Variants in YY1 observed in about 807,000 individuals in gnomAD.
YY1 encodes the protein transcriptional repressor protein YY1.
Under a neutral mutation model 35.6 loss-of-function variants are expected in YY1, and 2 were observed. The observed-to-expected ratio is 0.06, with a 90% CI of 0.02 to 0.18. The LOEUF is 0.18. Among genes scored for constraint, YY1 ranks in the 10% least tolerant of loss-of-function variants. The probability of loss-of-function intolerance (pLI) is 1.00; values close to 1 mark genes in which losing one functional copy is unlikely to be tolerated. For missense variants in YY1, 322 were observed against 573.4 expected (o/e 0.56, Z 4.48); for synonymous variants, 268 against 238.9 (o/e 1.12, Z -1.12).
At chr14:100,264,758 A>G (rs561842040) in intron 2 of YY1, among the ~76,000 whole-genome samples, 26 of 152,294 alleles carry the variant, frequency 1.7e-4, no homozygotes, top group African/African-American at 5.8e-4. Context: ...AACAAGAGTT[A>G]ATGAAGGCCT....
chr14:100,265,647 C>CTTTTTTT (rs10594089), intron 2 of YY1, among the ~76,000 whole-genome samples: 2 of 104,452 alleles, frequency 1.9e-5, no homozygotes, highest in Admixed American at 1.1e-4. Context: ...AACACTGAAG[C>CTTTTTTT]TTTTTTTTTT....
chr14:100,255,551 A>G (rs1890992975), intron 1 of YY1, among the ~76,000 whole-genome samples: 1 of 152,192 alleles, frequency 6.6e-6, no homozygotes, highest in South Asian at 2.1e-4. Flanking sequence ...CCAGGGAGGC[A>G]GAGGTTGCGG....
chr14:100,254,795 C>T (rs1371736082), intron 1 of YY1, among the ~76,000 whole-genome samples: 7 of 142,898 alleles, frequency 4.9e-5, no homozygotes, highest in African/African-American at 1.6e-4. Flanking sequence ...TTTTTTGAGT[C>T]GAAGTCTCAC....
intron 2 of YY1, among the ~76,000 whole-genome samples, chr14:100,274,474 G>T (rs573683421): frequency 6.6e-6 from 1 of 152,174 alleles, no homozygotes. Context: ...GCGGCAACTC[G>T]ATGTTTCTAG....
At chr14:100,261,878 G>A (rs1049847317) in intron 1 of YY1, among the ~76,000 whole-genome samples, 1 of 152,232 alleles carries the variant, frequency 6.6e-6, no homozygotes, top group African/African-American at 2.4e-5. Context: ...GCTGGGTGTG[G>A]TGGCTCATGC....
At chr14:100,272,973 T>G (rs1383221366) in intron 2 of YY1, among the ~76,000 whole-genome samples, 1 of 150,602 alleles carries the variant, frequency 6.6e-6, no homozygotes, top group African/African-American at 2.4e-5. Context: ...TTGTTTTTTT[T>G]TTTTTGAGAC....
chr14:100,249,374 G>A (rs1240073243), intron 1 of YY1, among the ~76,000 whole-genome samples: 1 of 151,946 alleles, frequency 6.6e-6, no homozygotes, highest in Non-Finnish European at 1.5e-5. Flanking sequence ...GCCTGCCTCA[G>A]CCTCCAAAGT....
chr14:100,245,757 C>T (rs1268193553), intron 1 of YY1, among the ~76,000 whole-genome samples: 2 of 152,018 alleles, frequency 1.3e-5, no homozygotes, highest in Non-Finnish European at 2.9e-5. Context: ...CAGACGTGTG[C>T]CACCATGCCC....
At chr14:100,256,277 A>C (rs940190297) in intron 1 of YY1, among the ~76,000 whole-genome samples, 1 of 152,166 alleles carries the variant, frequency 6.6e-6, no homozygotes, top group African/African-American at 2.4e-5. Context: ...TTGCACAGAT[A>C]CCTCAAACCA....
At chr14:100,266,380 GA>G (rs1232504528) in intron 2 of YY1, among the ~76,000 whole-genome samples, 1 of 152,192 alleles carries the variant, frequency 6.6e-6, no homozygotes, top group Non-Finnish European at 1.5e-5. Context: ...AGTTGCAGTG[GA>G]GGGGCGGAGG....
chr14:100,261,641 T>G (rs1423686744), intron 1 of YY1, among the ~76,000 whole-genome samples: 2 of 152,196 alleles, frequency 1.3e-5, no homozygotes, highest in Non-Finnish European at 2.9e-5. Flanking sequence ...TTACAAATTT[T>G]AGTCAATGGA....
chr14:100,249,474 G>C (rs1405934863), intron 1 of YY1, among the ~76,000 whole-genome samples: 1 of 152,136 alleles, frequency 6.6e-6, no homozygotes, highest in Non-Finnish European at 1.5e-5. Context: ...GTCAGGGAAA[G>C]GGGCTGCCAT....
At position 100,239,234 on chromosome 14, in the gene YY1, A is replaced by G. The variant is rs2139559611; in HGVS notation, c.-11A>G. ...GAGGCCGCCGCGGCCGTGGCGGCGG[A>G]GCCCTCAGCCATGGCCTCGGGCGAC... On this transcript the variant is annotated 5_prime_UTR_variant, in exon 1 of 5. Coordinates refer to ENST00000262238, the MANE Select transcript of YY1 (RefSeq NM_003403.5). 2 of 1,492,766 alleles carry G rather than the reference A, an allele frequency of 1.3e-6. No individual in the cohort carries two copies. The highest frequency in any genetic ancestry group is 1.3e-5 in the South Asian group (1 of 79,272). 92.5% of individuals were successfully genotyped at this position (1,492,766 alleles called of 1,614,324 possible).
Position 100,278,348 on chromosome 14 carries a change from T to A in YY1, c.*748T>A, listed in dbSNP as rs1379663638. ...GCCAGATGCTGATGTTCAGTGTAATTTCTTTGCCTGTTCAGTTACAGAAAG... is the reference window on the plus strand; with the variant it reads ...GCCAGATGCTGATGTTCAGTGTAATATCTTTGCCTGTTCAGTTACAGAAAG... On this transcript the variant is annotated 3_prime_UTR_variant, in exon 5 of 5. Transcript: ENST00000262238. 1 of 152,808 alleles carries A rather than the reference T, an allele frequency of 6.5e-6. No individual in the cohort carries two copies. Among genetic ancestry groups the A allele is most frequent in the East Asian group, 1.9e-4 (1 of 5,192 alleles). 9.5% of individuals were successfully genotyped at this position (152,808 alleles called of 1,614,324 possible). A position where few individuals can be genotyped will look rare whatever the true frequency, so the allele number is the denominator to read the frequency against.
chr14:100,239,868 G>A lies in YY1; in HGVS notation c.624G>A (p.Lys208=). ...ADPGNKKWEQ[K]QVQIKTLEGE... ...CGGGCAACAAGAAGTGGGAGCAGAA[G>A]CAGGTGCAGATCAAGACCCTGGAGG... The change falls in exon 1 of 5, where the codon AAG becomes AAA. Residue 208 remains lysine, a synonymous_variant. Coordinates refer to ENST00000262238, the MANE Select transcript of YY1 (RefSeq NM_003403.5). The A allele has an allele frequency of 6.5e-7, 1 of 1,527,648 alleles. No individual in the cohort carries two copies. Among genetic ancestry groups the A allele is most frequent in the Non-Finnish European group, 8.8e-7 (1 of 1,140,474 alleles). The allele number at this position is 1,527,648 out of a possible 1,614,324, so 94.6% of individuals were successfully genotyped here. A position where few individuals can be genotyped will look rare whatever the true frequency, so the allele number is the denominator to read the frequency against.
chr14:100,247,115 AT>A (rs1890845250), intron 1 of YY1, among the ~76,000 whole-genome samples: 1 of 152,170 alleles, frequency 6.6e-6, no homozygotes, highest in African/African-American at 2.4e-5. Context: ...AAGAGGGTAA[AT>A]TTTTTAAAAC....
Position 100,281,216 on chromosome 14 carries a change from TTTAA to T in YY1, c.*3620_*3623del, listed in dbSNP as rs1317420774. On this transcript the variant is annotated 3_prime_UTR_variant, in exon 5 of 5. Coordinates refer to ENST00000262238, the MANE Select transcript of YY1 (RefSeq NM_003403.5). ...GCTTGGGAAATTCATGTTGTTGATC[TTTAA>T]TTATTTAATTATTCTTTAATAATCC... is the stretch of plus-strand genomic sequence containing the variant. The T allele has an allele frequency of 1.3e-5, 2 of 151,988 alleles. No individual in the cohort carries two copies. Among genetic ancestry groups the T allele is most frequent in the African/African-American group, 2.4e-5 (1 of 41,352 alleles). The allele number at this position is 151,988 out of a possible 1,614,324, so 9.4% of individuals were successfully genotyped here.
In YY1 at chr14:100,278,342, T is replaced by G. The variant is rs1310838326; in HGVS notation, c.*742T>G. ...AATACTGCCAGATGCTGATGTTCAG[T>G]GTAATTTCTTTGCCTGTTCAGTTAC... On this transcript the variant is annotated 3_prime_UTR_variant, in exon 5 of 5. Coordinates refer to ENST00000262238, the MANE Select transcript of YY1 (RefSeq NM_003403.5). 1 of 152,794 alleles carries G rather than the reference T, an allele frequency of 6.5e-6. No individual in the cohort carries two copies. Among genetic ancestry groups the G allele is most frequent in the African/African-American group, 2.4e-5 (1 of 41,446 alleles). 9.5% of individuals were successfully genotyped at this position (152,794 alleles called of 1,614,324 possible).
chr14:100,260,810 T>G (rs1444072214), intron 1 of YY1, among the ~76,000 whole-genome samples: 5 of 104,710 alleles, frequency 4.8e-5, no homozygotes, highest in Admixed American at 2.5e-4. Flanking sequence ...TTTTTTTTTT[T>G]GGAGGCAGAG....
Sources: gnomAD v4.1 joint callset for allele counts (sites outside exome capture counted in the v4.1 genomes callset) on GRCh38, gnomAD v4.1.1 for gene constraint, MANE v1.5 for transcripts, NCBI Gene and HGNC (gene_info 2026-07-23, HGNC 2026-07-21) for gene names.